MVB12B: variants seen among roughly 807,000 people sequenced by gnomAD.
MVB12B encodes the protein ESCRT-I complex subunit MVB12B.
A neutral mutation model predicts 41.6 loss-of-function variants in MVB12B; 16 were observed. The ratio of observed to expected loss-of-function variants is 0.38; its 90% CI spans 0.26 to 0.58. MVB12B has a LOEUF of 0.58. MVB12B is among the 20% of genes least tolerant of loss of function. The probability of loss-of-function intolerance (pLI) is 0.62; values close to 1 mark genes in which losing one functional copy is unlikely to be tolerated. For missense variants in MVB12B, 274 were observed against 380.2 expected (o/e 0.72, Z 2.32); for synonymous variants, 133 against 139.7 (o/e 0.95, Z 0.34).
At chr9:126,496,621 A>G (rs1473674356) in intron 9 of MVB12B, among the ~76,000 whole-genome samples, 1 of 152,022 alleles carries the variant, frequency 6.6e-6, no homozygotes. Flanking sequence ...TCCCAGAGCA[A>G]GTGCCCCTTT....
chr9:126,422,096 C>T (rs1017828512), intron 7 of MVB12B, 148 bp downstream of exon 7: 2 of 614,974 alleles, frequency 3.3e-6, no homozygotes, highest in African/African-American at 3.7e-5. Context: ...AGGGACCAGG[C>T]CTTCCCTTTC....
chr9:126,476,615 G>A (rs1278384496), intron 7 of MVB12B, among the ~76,000 whole-genome samples: 2 of 152,068 alleles, frequency 1.3e-5, no homozygotes, highest in African/African-American at 4.8e-5. Flanking sequence ...GGTGGCTCAC[G>A]CCTGTAATCC....
chr9:126,424,599 T>C (rs1832118792), intron 7 of MVB12B, among the ~76,000 whole-genome samples: 1 of 152,244 alleles, frequency 6.6e-6, no homozygotes, highest in Non-Finnish European at 1.5e-5. Flanking sequence ...GGGCTCTATC[T>C]TCCTGTTCTT....
chr9:126,494,364 C>G (rs1459427672), intron 9 of MVB12B, among the ~76,000 whole-genome samples: 1 of 152,186 alleles, frequency 6.6e-6, no homozygotes, highest in Non-Finnish European at 1.5e-5. Flanking sequence ...ATCTTGTTCC[C>G]GTGGTGGCCC....
intron 9 of MVB12B, among the ~76,000 whole-genome samples, chr9:126,492,670 C>T (rs1052040291): frequency 1.3e-5 from 2 of 152,126 alleles, no homozygotes; most frequent in South Asian, 4.2e-4. Context: ...AGCACCACCC[C>T]ATCGCTACAA....
intron 9 of MVB12B, among the ~76,000 whole-genome samples, chr9:126,498,518 C>T (rs1489290456): frequency 2.0e-5 from 3 of 152,278 alleles, no homozygotes; most frequent in African/African-American, 4.8e-5. Flanking sequence ...CCCGTGAGCT[C>T]ACTAGTTCAT....
At chr9:126,342,586 G>T (rs1021982466) in intron 2 of MVB12B, among the ~76,000 whole-genome samples, 2 of 152,146 alleles carry the variant, frequency 1.3e-5, no homozygotes, top group Non-Finnish European at 2.9e-5. Flanking sequence ...GAGCTCATCC[G>T]CCCGGTAATT....
At chr9:126,497,360 A>C (rs1564352692) in intron 9 of MVB12B, among the ~76,000 whole-genome samples, 1 of 152,114 alleles carries the variant, frequency 6.6e-6, no homozygotes, top group Non-Finnish European at 1.5e-5. Flanking sequence ...AGCTTCCTAA[A>C]GGGTCTGCGG....
chr9:126,479,271 C>A (rs554426111), intron 7 of MVB12B, among the ~76,000 whole-genome samples: 1 of 152,108 alleles, frequency 6.6e-6, no homozygotes, highest in Non-Finnish European at 1.5e-5. Context: ...GGAAGTGTTA[C>A]GAGTGCCCGG....
At chr9:126,440,239 C>CT (rs1161511730) in intron 7 of MVB12B, among the ~76,000 whole-genome samples, 3 of 152,180 alleles carry the variant, frequency 2.0e-5, no homozygotes, top group Non-Finnish European at 2.9e-5. Flanking sequence ...TGAGTACTGT[C>CT]TTTTTTCTCC....
rs137939542 is a variant in MVB12B, at chr9:126,418,967, A to T, written c.663-2887A>T. 5.1e-3 allele frequency among the ~76,000 whole-genome samples: 776 copies of T among 152,146 alleles called. 12 individuals are homozygous for T. The highest frequency in any genetic ancestry group is 0.018 in the African/African-American group (747 of 41,472). ...TTCGTGTCCCCCTGCCTGTCCTGCC[A>T]CCACTGAGTCCCCCACAGATCTGTA... is the stretch of plus-strand genomic sequence containing the variant. On this transcript the variant is annotated intron_variant, in intron 6 of 9. Transcript: ENST00000361171.
intron 6 of MVB12B, among the ~76,000 whole-genome samples, chr9:126,404,135 A>G (rs1424114620): frequency 4.0e-5 from 6 of 151,668 alleles, no homozygotes; most frequent in African/African-American, 9.7e-5. Context: ...TTGTATTTTT[A>G]GTAGAGATGG....
rs1398831316 is a variant in MVB12B at position 126,468,689 on chromosome 9, C to T, written c.758-12680C>T. ...TCCTCCCTGGTGTTCCTGCTCCAGC[C>T]TCACTCCCTGTAATTCATTCTCCTC... On this transcript the variant is annotated intron_variant, in intron 7 of 9. Transcript: ENST00000361171. The surrounding 1 kb of genome is among the most constrained non-coding windows in gnomAD (Gnocchi z 4.3). Among the ~76,000 whole-genome samples, 1 of 152,238 alleles carries T rather than the reference C, an allele frequency of 6.6e-6. No homozygotes were observed. The highest frequency in any genetic ancestry group is 1.5e-5 in the Non-Finnish European group (1 of 68,040).
chr9:126,501,420 C>T (rs773125564), intron 9 of MVB12B, among the ~76,000 whole-genome samples: 1 of 152,230 alleles, frequency 6.6e-6, no homozygotes, highest in African/African-American at 2.4e-5. Context: ...CCCTGCCAGG[C>T]AGCAGATGCT....
intron 6 of MVB12B, among the ~76,000 whole-genome samples, chr9:126,399,499 C>G (rs1178477317): frequency 6.6e-6 from 1 of 152,198 alleles, no homozygotes; most frequent in Non-Finnish European, 1.5e-5. Context: ...GTGATGCTGT[C>G]TGGGGCAGGG....
chr9:126,335,234 C>G (rs1249393071), intron 1 of MVB12B: 1 of 1,182,378 alleles, frequency 8.5e-7, no homozygotes, highest in Non-Finnish European at 1.1e-6. Flanking sequence ...TTGACTCTGG[C>G]TGGTCACCAG....
At chr9:126,405,657 G>T in intron 6 of MVB12B, among the ~76,000 whole-genome samples, 1 of 146,000 alleles carries the variant, frequency 6.8e-6, no homozygotes. Flanking sequence ...CTATTTCGAT[G>T]CAGAGTTTCA....
chr9:126,340,497 T>A lies in MVB12B; in HGVS notation c.82-11T>A. 6.2e-7 allele frequency: 1 copy of A among 1,612,946 alleles called. No individual in the cohort carries two copies. Among genetic ancestry groups the A allele is most frequent in the Non-Finnish European group, 8.5e-7 (1 of 1,179,396 alleles). ...TGAATTTTGTGTTTTCTTTTTCCTTTGCTGAACCAGGACCAGTCCACCATG... is the reference window on the plus strand; with the variant it reads ...TGAATTTTGTGTTTTCTTTTTCCTTAGCTGAACCAGGACCAGTCCACCATG... On this transcript the variant is annotated splice_polypyrimidine_tract_variant and intron_variant, in intron 1 of 9. Coordinates refer to ENST00000361171, the MANE Select transcript of MVB12B (RefSeq NM_033446.3). The surrounding 1 kb of genome is among the most constrained non-coding windows in gnomAD (Gnocchi z 4.0).
intron 6 of MVB12B, among the ~76,000 whole-genome samples, chr9:126,416,765 G>A (rs973936091): frequency 6.6e-6 from 1 of 152,134 alleles, no homozygotes; most frequent in Non-Finnish European, 1.5e-5. Flanking sequence ...TACCTAAAAA[G>A]GTTGTTGAGG....
Sources: allele counts gnomAD v4.1 joint callset (sites outside exome capture counted in the v4.1 genomes callset), GRCh38; gene constraint gnomAD v4.1.1; non-coding constraint Gnocchi (gnomAD v3.1); transcripts MANE v1.5; gene names NCBI Gene and HGNC (gene_info 2026-07-23, HGNC 2026-07-21).